The following RSRC1 variants were observed in gnomAD, a reference collection of about 807,000 sequenced individuals.
The protein encoded by RSRC1 is serine/Arginine-related protein 53.
RSRC1 carries 39 observed loss-of-function variants against 49.1 expected under a neutral mutation model. The observed-to-expected ratio is 0.79, with a 90% confidence interval of 0.61 to 1.04. RSRC1 has a LOEUF of 1.04. Among genes scored for constraint, RSRC1 ranks in the 50% least tolerant of loss-of-function variants. RSRC1 has a pLI of 0.00. For missense variants in RSRC1, 388 were observed against 402.4 expected (o/e 0.96, Z 0.31); for synonymous variants, 143 against 130.8 (o/e 1.09, Z -0.63).
At position 158,333,118 on chromosome 3, in the gene RSRC1, G is replaced by A. The variant is rs1483283349; in HGVS notation, c.532-21739G>A. Among the ~76,000 whole-genome samples, 6 of 152,016 alleles carry A rather than the reference G, an allele frequency of 3.9e-5. No individual in the cohort carries two copies. In the South Asian group the frequency reaches 1.0e-3, roughly 26 times the overall value. Reference sequence around the variant, plus strand: ...CAAGTAGCTGGGACTACAGGTGTCTGCCACCATGCCCAGCTAATTTTTTGT... The same window carrying A: ...CAAGTAGCTGGGACTACAGGTGTCTACCACCATGCCCAGCTAATTTTTTGT... On this transcript the variant is annotated intron_variant, in intron 5 of 9. Transcript: ENST00000611884.
At position 158,495,281 on chromosome 3, in the gene RSRC1, T is replaced by TTTTG. The variant is rs546429980; in HGVS notation, c.652+34298_652+34301dup. Among the ~76,000 whole-genome samples, 95 of 152,202 alleles carry TTTTG rather than the reference T, an allele frequency of 6.2e-4. 2 individuals are homozygous for TTTTG. Among genetic ancestry groups the TTTTG allele is most frequent in the African/African-American group, 9.4e-4 (39 of 41,524 alleles). On this transcript the variant is annotated intron_variant, in intron 7 of 9. Transcript: ENST00000611884. ...GTTTTTTGTTTTTGTTTTTTGGGTT[T>TTTTG]TTTGTTTGTTTGTTTGTTTGTTTTG...
chr3:158,238,412 A>ACT (rs1236345215), intron 4 of RSRC1, among the ~76,000 whole-genome samples: 2,552 of 152,218 alleles, frequency 0.017, 91 homozygotes, highest in African/African-American at 0.059. Flanking sequence ...TCTCCAAGTC[A>ACT]ATCCTAAGCC....
intron 6 of RSRC1, among the ~76,000 whole-genome samples, chr3:158,455,979 CAAAAAAAAAAAAAAAAAAAAAAAAA>C (rs765828003): frequency 1.8e-5 from 1 of 56,496 alleles, no homozygotes; most frequent in South Asian, 9.7e-4. Flanking sequence ...GACTCCATCT[CAAAAAAAAAAAAAAAAAAAAAAAAA>C]AAAAAAAAAA....
At chr3:158,386,874 G>A (rs35307733) in intron 6 of RSRC1, among the ~76,000 whole-genome samples, 7 of 150,056 alleles carry the variant, frequency 4.7e-5, no homozygotes, top group Middle Eastern at 3.5e-3. Context: ...CAAAATCATC[G>A]AAAAGAATGG....
At chr3:158,462,640 A>G (rs1737675868) in intron 7 of RSRC1, among the ~76,000 whole-genome samples, 1 of 152,010 alleles carries the variant, frequency 6.6e-6, no homozygotes, top group Admixed American at 6.6e-5. Flanking sequence ...CTTTTTTAAT[A>G]CTTCAGAACT....
intron 5 of RSRC1, among the ~76,000 whole-genome samples, chr3:158,354,113 C>T (rs1410640849): frequency 6.6e-6 from 1 of 150,756 alleles, no homozygotes; most frequent in Non-Finnish European, 1.5e-5. Context: ...GCCTCAGCCT[C>T]CCAAGTAGCT....
chr3:158,136,266 T>A (rs1244724593), intron 3 of RSRC1, among the ~76,000 whole-genome samples: 2 of 152,194 alleles, frequency 1.3e-5, no homozygotes, highest in African/African-American at 4.8e-5. Flanking sequence ...TGTATATTAT[T>A]TAAATTATTT....
Position 158,426,215 on chromosome 3 carries a change from A to G in RSRC1, c.584-34720A>G, listed in dbSNP as rs1043037114. Among the ~76,000 whole-genome samples, 289 of 151,912 alleles carry G rather than the reference A, an allele frequency of 1.9e-3. 3 individuals carry two copies. Among genetic ancestry groups the G allele is most frequent in the Non-Finnish European group, 8.4e-4 (57 of 67,836 alleles). On this transcript the variant is annotated intron_variant, in intron 6 of 9. Coordinates refer to ENST00000611884, the MANE Select transcript of RSRC1 (RefSeq NM_001271838.2). ...CAAAGTATTTAAAAATACCCATTTA[A>G]AATATTATAAAATTAGACATCTTGA...
chr3:158,324,837 C>G (rs955799615), intron 5 of RSRC1, among the ~76,000 whole-genome samples: 1 of 152,216 alleles, frequency 6.6e-6, no homozygotes, highest in South Asian at 2.1e-4. Context: ...AAGTAGTTTA[C>G]AGTCCCATCA....
intron 5 of RSRC1, among the ~76,000 whole-genome samples, chr3:158,325,571 CT>C (rs1451421799): frequency 1.3e-5 from 2 of 152,156 alleles, no homozygotes; most frequent in Non-Finnish European, 1.5e-5. Flanking sequence ...GGGCTCTATT[CT>C]GTTCCATTGA....
chr3:158,429,787 G>C (rs1043962777), intron 6 of RSRC1, among the ~76,000 whole-genome samples: 8 of 151,202 alleles, frequency 5.3e-5, no homozygotes, highest in African/African-American at 1.9e-4. Flanking sequence ...ACAGAAAGAC[G>C]AACACTGCAT....
Position 158,544,805 on chromosome 3 carries a change from TAAATAA to T in RSRC1, c.*532_*537del, listed in dbSNP as rs1713233013. 1 of 152,260 alleles carries T rather than the reference TAAATAA, an allele frequency of 6.6e-6. No individual in the cohort carries two copies. Among genetic ancestry groups the T allele is most frequent in the Admixed American group, 6.5e-5 (1 of 15,290 alleles). 9.4% of individuals were successfully genotyped at this position (152,260 alleles called of 1,614,324 possible). On this transcript the variant is annotated 3_prime_UTR_variant, in exon 10 of 10. Transcript: ENST00000611884. The stretch of plus-strand genomic sequence containing the variant: ...TTATGGAAAAAAAATTTTTGAAACT[TAAATAA>T]ATTGGTGATTTTGCTTAGAGATCAG...
rs908654440 is a variant in RSRC1 at position 158,450,973 on chromosome 3, A to G, written c.584-9962A>G. On this transcript the variant is annotated intron_variant, in intron 6 of 9. Transcript: ENST00000611884. ...TCTTGGGTATACTCTTTTTAAATAT[A>G]TAAGAACTAATTAGGCTTTTGCAAT... Among the ~76,000 whole-genome samples, 32 of 151,984 alleles carry G rather than the reference A, an allele frequency of 2.1e-4. No individual in the cohort carries two copies. The East Asian group carries it at 4.1e-3, about 19-fold the overall frequency.
At chr3:158,425,071 C>T (rs1291854912) in intron 6 of RSRC1, among the ~76,000 whole-genome samples, 1 of 151,434 alleles carries the variant, frequency 6.6e-6, no homozygotes, top group Non-Finnish European at 1.5e-5. Flanking sequence ...TTTTGTGTCT[C>T]TATTTCCTTC....
At chr3:158,321,931 CAT>C (rs139419555) in intron 5 of RSRC1, among the ~76,000 whole-genome samples, 4,055 of 151,644 alleles carry the variant, frequency 0.027, 166 homozygotes, top group African/African-American at 0.094. Context: ...TTTTATCAAA[CAT>C]ATGTCTTTTA....
At chr3:158,438,264 A>G (rs9847316) in intron 6 of RSRC1, among the ~76,000 whole-genome samples, 75,891 of 152,008 alleles carry the variant, frequency 0.5, 19,227 homozygotes, top group South Asian at 0.6. Flanking sequence ...TATAGATACA[A>G]TGCCATCCCC....
intron 7 of RSRC1, among the ~76,000 whole-genome samples, chr3:158,513,481 GGA>G (rs1260389750): frequency 2.6e-5 from 4 of 152,100 alleles, no homozygotes; most frequent in African/African-American, 9.7e-5. Flanking sequence ...TGATCATGGT[GGA>G]TAAGCTTTTT....
intron 1 of RSRC1, among the ~76,000 whole-genome samples, chr3:158,118,465 G>GCA (rs1715021941): frequency 7.2e-6 from 1 of 139,336 alleles, no homozygotes; most frequent in African/African-American, 3.1e-5. Flanking sequence ...GTGTGTGTGC[G>GCA]CGTGCGCGTG....
chr3:158,263,013 A>G (rs901074433), intron 4 of RSRC1, among the ~76,000 whole-genome samples: 2 of 151,968 alleles, frequency 1.3e-5, no homozygotes, highest in Admixed American at 6.6e-5. Context: ...TCCAGTCTTG[A>G]TGCCTTTTGT....
Sources: allele counts gnomAD v4.1 joint callset (sites outside exome capture counted in the v4.1 genomes callset), GRCh38; gene constraint gnomAD v4.1.1; transcripts MANE v1.5; gene names NCBI Gene and HGNC (gene_info 2026-07-23, HGNC 2026-07-21).